The following FRMD4A variants were observed in gnomAD, a reference collection of about 807,000 sequenced individuals.
FRMD4A encodes FERM domain containing 4A.
FRMD4A carries 29 observed loss-of-function variants against 129.1 expected under a neutral mutation model. That is an observed-to-expected ratio of 0.22 (90% CI 0.17 to 0.31). The LOEUF is 0.31. FRMD4A is among the 10% of genes least tolerant of loss of function. The pLI, the probability that FRMD4A is intolerant of heterozygous loss-of-function variation, is 1.00. For synonymous variants in FRMD4A, 634 were observed against 571.6 expected (o/e 1.11, Z -1.56); for missense variants, 1,272 against 1,375.8 (o/e 0.92, Z 1.19).
intron 2 of FRMD4A, among the ~76,000 whole-genome samples, chr10:13,932,654 A>C (rs2095211426): frequency 6.6e-6 from 1 of 152,240 alleles, no homozygotes; most frequent in Admixed American, 6.5e-5. Context: ...TGGGACTTAC[A>C]GTCTCTTTGA....
At chr10:13,647,410 C>T (rs996325335) in intron 24 of FRMD4A, 12 of 152,204 alleles carry the variant, frequency 7.9e-5, no homozygotes, top group African/African-American at 2.9e-4. Context: ...AAGCTCCCCA[C>T]CAGGTGATTC....
chr10:14,228,658 T>C (rs1381784242), intron 2 of FRMD4A, among the ~76,000 whole-genome samples: 1 of 152,110 alleles, frequency 6.6e-6, no homozygotes, highest in Admixed American at 6.5e-5. Context: ...CGAATTTGAG[T>C]CAACTTGCAA....
chr10:13,886,392 T>C (rs1310738168), intron 2 of FRMD4A, among the ~76,000 whole-genome samples: 3 of 152,070 alleles, frequency 2.0e-5, no homozygotes, highest in African/African-American at 7.2e-5. Flanking sequence ...GTGCAAAATA[T>C]CATTAAAAGG....
intron 2 of FRMD4A, among the ~76,000 whole-genome samples, chr10:13,922,662 T>C (rs2131262403): frequency 6.6e-6 from 1 of 152,338 alleles, no homozygotes; most frequent in East Asian, 1.9e-4. Flanking sequence ...GACAAGATCA[T>C]ACTGCTTCTG....
At chr10:13,679,221 A>G (rs1010625334) in intron 15 of FRMD4A, among the ~76,000 whole-genome samples, 3 of 150,962 alleles carry the variant, frequency 2.0e-5, no homozygotes, top group Non-Finnish European at 4.4e-5. Flanking sequence ...CAGGAGGTCA[A>G]GACCAGCTTG....
At chr10:14,289,493 A>G (rs549088999) in intron 2 of FRMD4A, among the ~76,000 whole-genome samples, 182 of 152,214 alleles carry the variant, frequency 1.2e-3, no homozygotes, top group Non-Finnish European at 2.2e-3. Context: ...TCTATTTGCA[A>G]TTCAGTTGTA....
intron 2 of FRMD4A, among the ~76,000 whole-genome samples, chr10:14,253,732 CA>C (rs1844516424): frequency 6.6e-6 from 1 of 152,212 alleles, no homozygotes; most frequent in Admixed American, 6.5e-5. Flanking sequence ...GCTCTTCCTT[CA>C]CCTTGTTCTT....
chr10:14,220,811 TTTGTGTGTGTGTGTGTG>T (rs1843230747), intron 2 of FRMD4A, among the ~76,000 whole-genome samples: 2 of 112,618 alleles, frequency 1.8e-5, no homozygotes, highest in Non-Finnish European at 3.7e-5. Flanking sequence ...TGTGTGTGTG[TTTGTGTGTGTGTGTGTG>T]TGTGTGTGTG....
At chr10:14,031,026 TG>T (rs1462595010) in intron 2 of FRMD4A, among the ~76,000 whole-genome samples, 1 of 152,138 alleles carries the variant, frequency 6.6e-6, no homozygotes, top group Non-Finnish European at 1.5e-5. Context: ...GAACTTATGA[TG>T]GGGTGAAACA....
At chr10:14,248,429 T>A (rs1436376223) in intron 2 of FRMD4A, among the ~76,000 whole-genome samples, 3 of 152,262 alleles carry the variant, frequency 2.0e-5, no homozygotes, top group Non-Finnish European at 4.4e-5. Flanking sequence ...CAGAATTTTA[T>A]TCATCAATGT....
At chr10:13,837,772 C>T (rs534731563) in intron 3 of FRMD4A, among the ~76,000 whole-genome samples, 8 of 152,320 alleles carry the variant, frequency 5.3e-5, no homozygotes, top group African/African-American at 1.9e-4. Context: ...AATCCCACTC[C>T]TCTTCTGCAA....
At chr10:14,313,806 T>C (rs1039451394) in intron 2 of FRMD4A, among the ~76,000 whole-genome samples, 2 of 152,238 alleles carry the variant, frequency 1.3e-5, no homozygotes, top group African/African-American at 2.4e-5. Context: ...ATCTATTCTA[T>C]TCACAGACCT....
chr10:13,695,148 A>ATT (rs34942226), intron 14 of FRMD4A, among the ~76,000 whole-genome samples: 3 of 147,344 alleles, frequency 2.0e-5, no homozygotes, highest in Non-Finnish European at 4.5e-5. Flanking sequence ...TCAAAAAAAA[A>ATT]TTTTTTTTTT....
At chr10:14,227,356 A>G (rs1843480067) in intron 2 of FRMD4A, among the ~76,000 whole-genome samples, 1 of 142,736 alleles carries the variant, frequency 7.0e-6, no homozygotes, top group Non-Finnish European at 1.5e-5. Flanking sequence ...GGTTCAAGCG[A>G]TTCTCCTGCC....
chr10:14,325,706 G>T lies in FRMD4A; in HGVS notation c.45+4352C>A, dbSNP rs140985533. Among the ~76,000 whole-genome samples, 7 of 152,332 alleles carry T rather than the reference G, an allele frequency of 4.6e-5. No homozygotes were observed. In the East Asian group the frequency reaches 1.3e-3, roughly 29 times the overall value. Reference sequence around the variant, plus strand: ...GTATGCTAAAGCCAGTCACTGCCTTGTACTCTTCTTGCACAAAGTAGATAC... The same window carrying T: ...GTATGCTAAAGCCAGTCACTGCCTTTTACTCTTCTTGCACAAAGTAGATAC... On this transcript the variant is annotated intron_variant, in intron 2 of 24. Transcript: ENST00000357447.
At chr10:13,802,003 CAA>C (rs11426622) in intron 4 of FRMD4A, among the ~76,000 whole-genome samples, 11,910 of 109,406 alleles carry the variant, frequency 0.11, 628 homozygotes, top group African/African-American at 0.2. Context: ...AATAATAATG[CAA>C]AAAAAAAAAA....
At chr10:14,028,210 C>T (rs1467967190) in intron 2 of FRMD4A, among the ~76,000 whole-genome samples, 1 of 152,198 alleles carries the variant, frequency 6.6e-6, no homozygotes, top group South Asian at 2.1e-4. Flanking sequence ...TTCATTAATG[C>T]ACCCTTTGGA....
At chr10:14,329,988 C>T in intron 2 of FRMD4A, 70 bp downstream of exon 2, 1 of 1,414,154 alleles carries the variant, frequency 7.1e-7, no homozygotes, top group African/African-American at 1.4e-5. Context: ...GCAGCGGCAG[C>T]AGCAGCCCAC....
At chr10:13,762,919 G>A (rs771756695) in intron 6 of FRMD4A, among the ~76,000 whole-genome samples, 4 of 152,004 alleles carry the variant, frequency 2.6e-5, no homozygotes, top group Admixed American at 6.6e-5. Flanking sequence ...AGGTTGTAGC[G>A]AGCTGTGATA....
Sources: gnomAD v4.1 joint callset for allele counts (sites outside exome capture counted in the v4.1 genomes callset) on GRCh38, gnomAD v4.1.1 for gene constraint, MANE v1.5 for transcripts, NCBI Gene and HGNC (gene_info 2026-07-23, HGNC 2026-07-21) for gene names.